RASAL2: variants seen among roughly 807,000 people sequenced by gnomAD.
RASAL2 encodes ras GTPase-activating protein nGAP.
In RASAL2, 58 loss-of-function variants were observed where a neutral mutation model predicts 128.9. The ratio of observed to expected loss-of-function variants is 0.45; its 90% CI spans 0.36 to 0.56. The LOEUF (loss-of-function observed/expected upper bound fraction) is 0.56, where lower values mean the gene tolerates loss of function less well. RASAL2 is among the 20% of genes least tolerant of loss of function. RASAL2 has a pLI of 0.00. For synonymous variants in RASAL2, 561 were observed against 580.8 expected, an observed-to-expected ratio of 0.97 and a Z score of 0.49; for missense variants, 1,360 against 1,601.6, an observed-to-expected ratio of 0.85 and a Z score of 2.57.
intron 1 of RASAL2, among the ~76,000 whole-genome samples, chr1:178,133,871 G>A (rs1660211934): frequency 6.6e-6 from 1 of 152,116 alleles, no homozygotes; most frequent in Non-Finnish European, 1.5e-5. Flanking sequence ...GTCAAATCAG[G>A]GAAGGGTGTG....
chr1:178,374,858 A>G (rs1671903470), intron 3 of RASAL2, among the ~76,000 whole-genome samples: 1 of 152,158 alleles, frequency 6.6e-6, no homozygotes, highest in Non-Finnish European at 1.5e-5. Context: ...CTTGTTTCAA[A>G]ACTTTCTTAT....
chr1:178,263,136 C>T (rs1166706996), intron 1 of RASAL2, among the ~76,000 whole-genome samples: 1 of 152,072 alleles, frequency 6.6e-6, no homozygotes, highest in African/African-American at 2.4e-5. Flanking sequence ...TCATATAATC[C>T]TGAAGACCAT....
intron 17 of RASAL2, among the ~76,000 whole-genome samples, chr1:178,472,550 ACT>A (rs776212599): frequency 6.6e-6 from 1 of 151,602 alleles, no homozygotes; most frequent in African/African-American, 2.4e-5. Flanking sequence ...CTTGTTGGTG[ACT>A]CTACACTGCC....
intron 3 of RASAL2, among the ~76,000 whole-genome samples, chr1:178,325,000 G>A (rs1668970107): frequency 6.6e-6 from 1 of 152,006 alleles, no homozygotes; most frequent in Non-Finnish European, 1.5e-5. Context: ...TCATTGGATT[G>A]TTCTGGTTAC....
chr1:178,278,564 G>A (rs1666634389), intron 1 of RASAL2, among the ~76,000 whole-genome samples: 1 of 152,152 alleles, frequency 6.6e-6, no homozygotes, highest in African/African-American at 2.4e-5. Flanking sequence ...AGTAAATGAT[G>A]TGATTCAAAA....
intron 1 of RASAL2, among the ~76,000 whole-genome samples, chr1:178,234,164 A>G (rs939735715): frequency 2.0e-5 from 3 of 152,202 alleles, no homozygotes; most frequent in African/African-American, 7.2e-5. Context: ...ATTATTTTTA[A>G]TGCTCATTTG....
intron 3 of RASAL2, among the ~76,000 whole-genome samples, chr1:178,387,574 T>C (rs190870518): frequency 2.0e-5 from 3 of 151,738 alleles, no homozygotes; most frequent in Admixed American, 2.0e-4. Context: ...CCTTCCTGTG[T>C]CCATGTGTTC....
At chr1:178,398,922 C>G (rs565289534) in intron 4 of RASAL2, among the ~76,000 whole-genome samples, 1 of 152,152 alleles carries the variant, frequency 6.6e-6, no homozygotes, top group East Asian at 1.9e-4. Flanking sequence ...GTACCAGGGT[C>G]AGCTTCATGA....
Position 178,283,658 on chromosome 1 carries a change from C to T in RASAL2, c.297C>T (p.Asp99=), listed in dbSNP as rs371933668. Residue 99 remains aspartate, a synonymous_variant, in exon 2 of 18, where the codon GAC becomes GAT. Coordinates refer to ENST00000367649, the MANE Select transcript of RASAL2 (RefSeq NM_170692.4). The part of the protein sequence containing the change: ...TWERKYCILT[D]SQLVLLNKEK... Reference sequence around the variant, plus strand: ...AGCGGAAGTATTGCATCCTCACAGACAGCCAGTTGGTATTGCTCAACAAGG... The same window carrying T: ...AGCGGAAGTATTGCATCCTCACAGATAGCCAGTTGGTATTGCTCAACAAGG... 6.2e-7 allele frequency: 1 copy of T among 1,613,750 alleles called. No individual in the cohort carries two copies. The highest frequency in any genetic ancestry group is 8.5e-7 in the Non-Finnish European group (1 of 1,179,926).
intron 1 of RASAL2, among the ~76,000 whole-genome samples, chr1:178,262,452 C>T (rs1665741314): frequency 6.6e-6 from 1 of 152,150 alleles, no homozygotes; most frequent in Admixed American, 6.5e-5. Flanking sequence ...TGTGTGTTTT[C>T]TCAGGCTTTA....
In RASAL2 at chr1:178,118,787, T is replaced by C. The variant is rs186834896; in HGVS notation, c.202+24093T>C. Among the ~76,000 whole-genome samples the C allele has an allele frequency of 3.3e-3, 508 of 152,328 alleles. 3 individuals are homozygous for C. Among genetic ancestry groups the C allele is most frequent in the African/African-American group, 0.011 (471 of 41,578 alleles). ...ACTTTATCTGCTGACTTGAACACAG[T>C]TGTCATTCTCTCCCGAAATGACAGA... On this transcript the variant is annotated intron_variant, in intron 1 of 17. Coordinates refer to ENST00000367649, the MANE Select transcript of RASAL2 (RefSeq NM_170692.4).
At chr1:178,369,332 C>T (rs1042982384) in intron 3 of RASAL2, among the ~76,000 whole-genome samples, 1 of 152,094 alleles carries the variant, frequency 6.6e-6, no homozygotes, top group African/African-American at 2.4e-5. Context: ...AGCAATTCTC[C>T]TGCCTCAGTC....
intron 1 of RASAL2, among the ~76,000 whole-genome samples, chr1:178,223,936 G>C (rs1397273541): frequency 6.6e-6 from 1 of 152,164 alleles, no homozygotes. Flanking sequence ...AATAAGACCA[G>C]ATTTTAAAAG....
chr1:178,465,901 CT>C lies in RASAL2; in HGVS notation c.3388-17del. On this transcript the variant is annotated intron_variant, in intron 15 of 17. Coordinates refer to ENST00000367649, the MANE Select transcript of RASAL2 (RefSeq NM_170692.4). ...GCAATGTGACTCTAGTTTTTGTCTC[CT>C]TGCCTCCTCTGCCCTAGTATGAACA... 6.7e-7 allele frequency: 1 copy of C among 1,488,918 alleles called. No homozygotes were observed. Among genetic ancestry groups the C allele is most frequent in the Non-Finnish European group, 9.0e-7 (1 of 1,117,062 alleles). 92.2% of individuals were successfully genotyped at this position (1,488,918 alleles called of 1,614,324 possible).
chr1:178,322,634 A>G (rs1260279541), intron 3 of RASAL2, among the ~76,000 whole-genome samples: 1 of 152,176 alleles, frequency 6.6e-6, no homozygotes, highest in African/African-American at 2.4e-5. Context: ...ATTTCTACCT[A>G]AATATCTGAA....
At chr1:178,117,014 A>C (rs1411144553) in intron 1 of RASAL2, among the ~76,000 whole-genome samples, 1 of 152,250 alleles carries the variant, frequency 6.6e-6, no homozygotes, top group African/African-American at 2.4e-5. Flanking sequence ...TAAAACATTC[A>C]TACATAATAT....
At chr1:178,102,099 G>A (rs886962810) in intron 1 of RASAL2, among the ~76,000 whole-genome samples, 29 of 152,064 alleles carry the variant, frequency 1.9e-4, no homozygotes, top group Non-Finnish European at 3.8e-4. Context: ...ATGTCTGAAG[G>A]AAATTTGAAT....
At chr1:178,136,453 A>G (rs1003614113) in intron 1 of RASAL2, among the ~76,000 whole-genome samples, 7 of 151,960 alleles carry the variant, frequency 4.6e-5, no homozygotes, top group Non-Finnish European at 8.8e-5. Context: ...TAGATACTCT[A>G]TTTTTTCCCT....
At chr1:178,209,133 A>G (rs1663167048) in intron 1 of RASAL2, among the ~76,000 whole-genome samples, 1 of 151,864 alleles carries the variant, frequency 6.6e-6, no homozygotes, top group Admixed American at 6.6e-5. Flanking sequence ...GCTCTTATAT[A>G]ATTTTATATT....
Sources: gnomAD v4.1 joint callset for allele counts (sites outside exome capture counted in the v4.1 genomes callset) on GRCh38, gnomAD v4.1.1 for gene constraint, MANE v1.5 for transcripts, NCBI Gene and HGNC (gene_info 2026-07-23, HGNC 2026-07-21) for gene names.